The following MAF variants were observed in gnomAD, a reference collection of about 807,000 sequenced individuals.
MAF encodes transcription factor Maf.
Under a neutral mutation model 22.0 loss-of-function variants are expected in MAF, and 10 were observed. That is an observed-to-expected ratio of 0.45 (90% confidence interval 0.28 to 0.77). MAF has a LOEUF of 0.77. Ranked by LOEUF, MAF falls within the 30% of genes least tolerant of loss-of-function variation. MAF has a pLI of 0.12. For missense variants in MAF, 544 were observed against 548.4 expected (o/e 0.99, Z 0.08); for synonymous variants, 337 against 255.8 (o/e 1.32, Z -3.03).
the MAF span, among the ~76,000 whole-genome samples, chr16:79,215,754 C>T: frequency 6.6e-6 from 1 of 152,200 alleles, no homozygotes; most frequent in East Asian, 1.9e-4. Context: ...CCTGGAAATT[C>T]AAGGTTTAAA....
the MAF span, among the ~76,000 whole-genome samples, chr16:79,300,412 G>A: frequency 2.9e-4 from 44 of 151,956 alleles, no homozygotes; most frequent in South Asian, 1.0e-3. Flanking sequence ...AAAATTAGCC[G>A]GGTGTGGTGG....
chr16:79,383,910 T>G, the MAF span, among the ~76,000 whole-genome samples: 1 of 152,102 alleles, frequency 6.6e-6, no homozygotes, highest in Non-Finnish European at 1.5e-5. Flanking sequence ...GATTGCAAAC[T>G]TTTCCCCCCA....
At chr16:79,216,867 C>G in the MAF span, among the ~76,000 whole-genome samples, 1 of 150,232 alleles carries the variant, frequency 6.7e-6, no homozygotes, top group African/African-American at 2.5e-5. Context: ...TGGAGTGCAG[C>G]GGCACGATCT....
At chr16:79,427,441 G>A in the MAF span, among the ~76,000 whole-genome samples, 24 of 152,212 alleles carry the variant, frequency 1.6e-4, no homozygotes, top group African/African-American at 5.8e-4. Flanking sequence ...CGATTCTGTT[G>A]TTACTTATTC....
the MAF span, among the ~76,000 whole-genome samples, chr16:79,221,507 G>C: frequency 6.6e-6 from 1 of 152,124 alleles, no homozygotes; most frequent in African/African-American, 2.4e-5. Context: ...TGTTCAATCT[G>C]AATAGCAAAT....
At chr16:79,489,193 C>T in the MAF span, among the ~76,000 whole-genome samples, 1 of 152,100 alleles carries the variant, frequency 6.6e-6, no homozygotes, top group African/African-American at 2.4e-5. Context: ...ATCCATTTAT[C>T]CATCCATCTA....
At chr16:79,470,237 C>T in the MAF span, among the ~76,000 whole-genome samples, 1 of 152,200 alleles carries the variant, frequency 6.6e-6, no homozygotes, top group African/African-American at 2.4e-5. Flanking sequence ...TTGAAATGTC[C>T]CTTTCCTTTG....
At chr16:79,385,085 GAT>G in the MAF span, among the ~76,000 whole-genome samples, 6 of 152,194 alleles carry the variant, frequency 3.9e-5, no homozygotes, top group African/African-American at 1.4e-4. Flanking sequence ...TGCCTAGGGA[GAT>G]TGCTAGACAT....
At chr16:79,406,166 G>T in the MAF span, among the ~76,000 whole-genome samples, 29 of 149,286 alleles carry the variant, frequency 1.9e-4, 1 homozygote, top group East Asian at 4.3e-3. Flanking sequence ...GCTGTTCCCT[G>T]CTGCTTTCCC....
chr16:79,306,387 G>A, the MAF span, among the ~76,000 whole-genome samples: 1 of 152,150 alleles, frequency 6.6e-6, no homozygotes, highest in South Asian at 2.1e-4. Flanking sequence ...CCACACACAT[G>A]TATGGAGTGC....
chr16:79,334,476 A>G, the MAF span, among the ~76,000 whole-genome samples: 2 of 152,294 alleles, frequency 1.3e-5, no homozygotes, highest in African/African-American at 4.8e-5. Context: ...GGAGCTGGAA[A>G]TGTTCTATAT....
the MAF span, among the ~76,000 whole-genome samples, chr16:79,561,094 C>G: frequency 4.5e-4 from 69 of 152,170 alleles, no homozygotes; most frequent in Non-Finnish European, 7.6e-4. Flanking sequence ...AACTGGCTCT[C>G]TGACATATCA....
In MAF at chr16:79,598,959, A is replaced by G. The variant is rs1913778690; in HGVS notation, c.944T>C (p.Val315Ala). ...CRFKRVQQRH[V>A]LESEKNQLLQ... ...CAGCTGGTTCTTCTCCGACTCCAGG[A>G]CGTGTCTCTGCTGCACCCTCTTGAA... is the stretch of plus-strand genomic sequence containing the variant. The change falls in exon 1 of 2, where the codon GTC becomes GCC. Residue 315 changes from valine to alanine, a missense_variant. By Grantham distance (64) the Val-to-Ala change is moderately conservative. Coordinates refer to ENST00000326043, the MANE Select transcript of MAF (RefSeq NM_005360.5). The G allele has an allele frequency of 1.9e-6, 3 of 1,613,534 alleles. No homozygotes were observed.
chr16:79,350,418 G>A, the MAF span, among the ~76,000 whole-genome samples: 7 of 152,194 alleles, frequency 4.6e-5, no homozygotes, highest in Non-Finnish European at 1.0e-4. Context: ...AAATTCTATA[G>A]CAGATAAATG....
chr16:79,440,514 C>A, the MAF span, among the ~76,000 whole-genome samples: 1 of 152,180 alleles, frequency 6.6e-6, no homozygotes, highest in Non-Finnish European at 1.5e-5. Flanking sequence ...TGGCTCATTA[C>A]AACCTCTGCC....
the MAF span, among the ~76,000 whole-genome samples, chr16:79,517,374 G>C: frequency 1.3e-5 from 2 of 152,194 alleles, no homozygotes; most frequent in Non-Finnish European, 1.5e-5. Context: ...TCATTGTGCT[G>C]TTTCACTTAA....
At chr16:79,227,796 C>A in the MAF span, among the ~76,000 whole-genome samples, 1 of 152,000 alleles carries the variant, frequency 6.6e-6, no homozygotes, top group East Asian at 1.9e-4. Flanking sequence ...TCAAAAAAAC[C>A]TGAAATATTT....
the MAF span, chr16:79,229,393 G>A: frequency 6.6e-6 from 1 of 151,962 alleles, no homozygotes; most frequent in Non-Finnish European, 1.5e-5. Flanking sequence ...GTCTTTTAAA[G>A]AGCTTTCCCT....
chr16:79,260,508 T>TCTATATCTATA, the MAF span, among the ~76,000 whole-genome samples: 1 of 151,188 alleles, frequency 6.6e-6, no homozygotes, highest in Non-Finnish European at 1.5e-5. Context: ...TATATCTATA[T>TCTATATCTATA]ATTTGTCTGT....
Sources: allele counts gnomAD v4.1 joint callset (sites outside exome capture counted in the v4.1 genomes callset), GRCh38; gene constraint gnomAD v4.1.1; transcripts MANE v1.5; gene names NCBI Gene and HGNC (gene_info 2026-07-23, HGNC 2026-07-21).